Variants in DTNB observed in about 807,000 individuals in gnomAD.
DTNB encodes the protein DTN-B.
Under a neutral mutation model 90.7 loss-of-function variants are expected in DTNB, and 63 were observed. The observed-to-expected ratio is 0.69, with a 90% CI of 0.57 to 0.86. The LOEUF (loss-of-function observed/expected upper bound fraction) is 0.86. Ranked by LOEUF, DTNB falls within the 40% of genes least tolerant of loss-of-function variation. The pLI, the probability that DTNB is intolerant of heterozygous loss-of-function variation, is 0.00. For missense variants in DTNB, 744 were observed against 807.1 expected (o/e 0.92, Z 0.95); for synonymous variants, 277 against 286.7 (o/e 0.97, Z 0.34).
rs372348646 is a variant in DTNB at position 25,628,147 on chromosome 2, C to T, written c.362+24G>A. On this transcript the variant is annotated intron_variant, in intron 4 of 20. Coordinates refer to ENST00000406818, the MANE Select transcript of DTNB (RefSeq NM_021907.5). ...ACAGGTGTTCTTAAAATGAAGTAAG[C>T]GTGTAAGGTAAGGTACTACTAGCCT... is the stretch of plus-strand genomic sequence containing the variant. 7.5e-6 allele frequency: 12 copies of T among 1,603,686 alleles called. No homozygotes were observed. In the African/African-American group the frequency reaches 9.4e-5, roughly 13 times the overall value.
intron 10 of DTNB, among the ~76,000 whole-genome samples, chr2:25,460,587 G>A (rs956133314): frequency 5.3e-5 from 8 of 152,044 alleles, no homozygotes; most frequent in South Asian, 4.2e-4. Flanking sequence ...CATGATATCC[G>A]GAGGCCACGT....
chr2:25,580,759 C>T lies in DTNB; in HGVS notation c.671G>A (p.Trp224Ter). 6.2e-7 allele frequency: 1 copy of T among 1,613,560 alleles called. No individual in the cohort carries two copies. The change falls in exon 7 of 21, where the codon TGG (tryptophan) becomes TAG (stop). Residue 224 changes from tryptophan to a stop codon, truncating the protein, a stop_gained. Transcript: ENST00000406818. LOFTEE classifies it high-confidence loss of function. Reference protein sequence around the residue: ...MADPPPQCLVWLPLMHRLAHV... With the variant: ...MADPPPQCLV ...GGCAAGCCTGTGCATGAGAGGTAGC[C>T]AGACAAGGCACTGGGGAGGAGGGTC...
Position 25,526,395 on chromosome 2 carries a change from A to ATATTTTTTTTT in DTNB, c.1001+5077_1001+5078insAAAAAAAAATA. ...TATATATATATATATATATATATAT[A>ATATTTTTTTTT]TTTTTTTTTTTTTAATTGAGACAGA... On this transcript the variant is annotated intron_variant, in intron 9 of 20. Coordinates refer to ENST00000406818, the MANE Select transcript of DTNB (RefSeq NM_021907.5). 2.1e-3 allele frequency among the ~76,000 whole-genome samples: 107 copies of ATATTTTTTTTT among 49,822 alleles called. 3 individuals carry two copies. Among genetic ancestry groups the ATATTTTTTTTT allele is most frequent in the African/African-American group, 4.6e-3 (47 of 10,246 alleles). The allele number at this position is 49,822 out of a possible 152,430, so 32.7% of individuals were successfully genotyped here.
intron 5 of DTNB, among the ~76,000 whole-genome samples, chr2:25,604,184 G>A (rs967485427): frequency 6.6e-6 from 1 of 151,684 alleles, no homozygotes; most frequent in Admixed American, 6.6e-5. Flanking sequence ...AACCACTGCC[G>A]CCACCACCAC....
chr2:25,616,500 C>G (rs1229764411), intron 4 of DTNB, among the ~76,000 whole-genome samples: 2 of 152,104 alleles, frequency 1.3e-5, no homozygotes, highest in East Asian at 3.9e-4. Flanking sequence ...ATATAATTCT[C>G]AATTAACCTG....
At chr2:25,464,701 A>G (rs1401340512) in intron 10 of DTNB, among the ~76,000 whole-genome samples, 1 of 152,240 alleles carries the variant, frequency 6.6e-6, no homozygotes, top group African/African-American at 2.4e-5. Context: ...GATTCCCATC[A>G]GCAGCGAGAA....
chr2:25,397,063 A>G (rs2042563645), intron 16 of DTNB, among the ~76,000 whole-genome samples: 3 of 151,980 alleles, frequency 2.0e-5, no homozygotes, highest in Admixed American at 2.0e-4. Context: ...CACCCAAAAA[A>G]AAGTAAAATA....
At chr2:25,579,973 T>C (rs2148186491) in intron 7 of DTNB, among the ~76,000 whole-genome samples, 1 of 124,578 alleles carries the variant, frequency 8.0e-6, no homozygotes, top group East Asian at 2.5e-4. Flanking sequence ...TATAGTATCC[T>C]TTCTTTTTTT....
rs190445677 is a variant in DTNB at position 25,482,865 on chromosome 2, C to T, written c.1010G>A (p.Arg337His). 25 of 1,598,776 alleles carry T rather than the reference C, an allele frequency of 1.6e-5. No individual in the cohort carries two copies. The highest frequency in any genetic ancestry group is 3.4e-4 in the Middle Eastern group (2 of 5,958). The change falls in exon 10 of 21, where the codon CGC becomes CAC. Residue 337 changes from arginine (R) to histidine (H), a missense_variant. Coordinates refer to ENST00000406818, the MANE Select transcript of DTNB (RefSeq NM_021907.5). ...PLDLAHIVPP[R>H]PLTNMNDTMV... is the part of the protein sequence containing the mutation. ...GGTGTCATTCATATTAGTCAGAGGGCGAGGAGGACTGAAAGAAAAGACATT... is the reference window on the plus strand; with the variant it reads ...GGTGTCATTCATATTAGTCAGAGGGTGAGGAGGACTGAAAGAAAAGACATT...
chr2:25,464,490 A>G (rs1378136258), intron 10 of DTNB, among the ~76,000 whole-genome samples: 2 of 152,234 alleles, frequency 1.3e-5, no homozygotes, highest in African/African-American at 4.8e-5. Context: ...ATAAACATCC[A>G]TGAGTCCACA....
At chr2:25,665,545 G>A (rs558559475) in intron 1 of DTNB, among the ~76,000 whole-genome samples, 73 of 152,054 alleles carry the variant, frequency 4.8e-4, no homozygotes, top group African/African-American at 1.7e-3. Flanking sequence ...AGAATCCCTT[G>A]AACCCAGGAG....
chr2:25,419,676 A>C, intron 15 of DTNB, 141 bp from the exon 16 acceptor site: 3 of 1,077,830 alleles, frequency 2.8e-6, no homozygotes, highest in Non-Finnish European at 3.9e-6. Flanking sequence ...TGCTGAGATC[A>C]AAGGCCCCAT....
Position 25,432,872 on chromosome 2 carries a change from G to A in DTNB, c.1457+14C>T. On this transcript the variant is annotated intron_variant, in intron 14 of 20. Coordinates refer to ENST00000406818, the MANE Select transcript of DTNB (RefSeq NM_021907.5). ...TAGATTACATGTGGCAAGTGGTAGA[G>A]TGTCCCTACTCACCTCAGCAGCCGC... is the stretch of plus-strand genomic sequence containing the variant. 1 of 1,582,766 alleles carries A rather than the reference G, an allele frequency of 6.3e-7. No homozygotes were observed. Among genetic ancestry groups the A allele is most frequent in the Non-Finnish European group, 8.6e-7 (1 of 1,165,036 alleles).
At chr2:25,586,757 C>CT (rs1386560706) in intron 6 of DTNB, among the ~76,000 whole-genome samples, 1 of 151,912 alleles carries the variant, frequency 6.6e-6, no homozygotes, top group Non-Finnish European at 1.5e-5. Flanking sequence ...AATCTGAAGC[C>CT]TTTTTTGGAG....
At chr2:25,499,146 G>A (rs1175130804) in intron 9 of DTNB, among the ~76,000 whole-genome samples, 4 of 151,746 alleles carry the variant, frequency 2.6e-5, no homozygotes, top group African/African-American at 9.7e-5. Context: ...GAACCGGGGA[G>A]GCGGAGGACG....
At chr2:25,498,988 G>A (rs1014580019) in intron 9 of DTNB, among the ~76,000 whole-genome samples, 2 of 151,756 alleles carry the variant, frequency 1.3e-5, no homozygotes, top group African/African-American at 4.8e-5. Context: ...GGCCAAGGCG[G>A]GTGGATCACC....
At chr2:25,525,698 A>G (rs1231178801) in intron 9 of DTNB, among the ~76,000 whole-genome samples, 1 of 152,166 alleles carries the variant, frequency 6.6e-6, no homozygotes. Context: ...TTAATAAGGA[A>G]AAATCCAAGT....
In DTNB at chr2:25,585,599, G is replaced by A. The variant is rs144416227; in HGVS notation, c.604-4773C>T. ...ATCCAGTATCAATAAAATAACATGAGAAAATAAAATAATTTAGCTATAGAT... is the reference window on the plus strand; with the variant it reads ...ATCCAGTATCAATAAAATAACATGAAAAAATAAAATAATTTAGCTATAGAT... On this transcript the variant is annotated intron_variant, in intron 6 of 20. Coordinates refer to ENST00000406818, the MANE Select transcript of DTNB (RefSeq NM_021907.5). 3.7e-3 allele frequency among the ~76,000 whole-genome samples: 564 copies of A among 152,096 alleles called. 4 individuals carry two copies. The highest frequency in any genetic ancestry group is 6.3e-3 in the Non-Finnish European group (431 of 67,976).
At chr2:25,537,459 A>T (rs1195878675) in intron 8 of DTNB, among the ~76,000 whole-genome samples, 1 of 152,206 alleles carries the variant, frequency 6.6e-6, no homozygotes, top group African/African-American at 2.4e-5. Context: ...AAGGCACATC[A>T]AGGGCAGCTT....
Sources: allele counts gnomAD v4.1 joint callset (sites outside exome capture counted in the v4.1 genomes callset), GRCh38; gene constraint gnomAD v4.1.1; transcripts MANE v1.5; gene names NCBI Gene and HGNC (gene_info 2026-07-23, HGNC 2026-07-21).